AFF1: variants seen among roughly 807,000 people sequenced by gnomAD.
AFF1 encodes AF4/FMR2 family member 1.
AFF1 carries 48 observed loss-of-function variants against 121.7 expected under a neutral mutation model. That is an observed-to-expected ratio of 0.39 (90% CI 0.31 to 0.50). AFF1 has a LOEUF of 0.50. Among genes scored for constraint, AFF1 ranks in the 20% least tolerant of loss-of-function variants. The pLI, the probability that AFF1 is intolerant of heterozygous loss-of-function variation, is 0.76. For synonymous variants in AFF1, 613 were observed against 563.0 expected, an observed-to-expected ratio of 1.09 and a Z score of -1.26; for missense variants, 1,523 against 1,511.7, an observed-to-expected ratio of 1.01 and a Z score of -0.12.
intron 3 of AFF1, 114 bp downstream of exon 3, chr4:87,046,400 T>G: frequency 1.5e-6 from 2 of 1,309,350 alleles, no homozygotes. Context: ...GAAAATAAGA[T>G]AACTTATTCT....
In AFF1 at chr4:87,114,755, C is replaced by T. The variant is rs61734705; in HGVS notation, c.1922C>T (p.Ser641Phe). The change falls in exon 12 of 21, where the codon TCC becomes TTC. Residue 641 changes from serine to phenylalanine, a missense_variant. Coordinates refer to ENST00000395146, the MANE Select transcript of AFF1 (RefSeq NM_001166693.3). ...GAGCCAGGGCTTCTTCCCTATGGCT[C>T]CCGAGACCAGACTTCCAAAGACAAG... is the stretch of plus-strand genomic sequence containing the variant. Reference protein sequence around the residue: ...EREPGLLPYGSRDQTSKDKPK... With the variant: ...EREPGLLPYGFRDQTSKDKPK... 3.3e-3 allele frequency: 5,372 copies of T among 1,613,474 alleles called. 25 individuals carry two copies. The highest frequency in any genetic ancestry group is 0.02 in the Middle Eastern group (119 of 6,060).
intron 5 of AFF1, among the ~76,000 whole-genome samples, chr4:87,087,795 C>A (rs1027607527): frequency 1.6e-4 from 25 of 152,162 alleles, no homozygotes; most frequent in African/African-American, 5.6e-4. Flanking sequence ...TCATAGATAC[C>A]ATTGAGATTC....
chr4:87,060,447 A>G lies in AFF1; in HGVS notation c.1059+12853A>G, dbSNP rs374697351. The stretch of plus-strand genomic sequence containing the variant: ...GATTTGCAATTTTAAATATTTTGCT[A>G]TTGAAGGAATCACTTTTTTGGGAAT... On this transcript the variant is annotated intron_variant, in intron 4 of 20. Coordinates refer to ENST00000395146, the MANE Select transcript of AFF1 (RefSeq NM_001166693.3). Among the ~76,000 whole-genome samples the G allele has an allele frequency of 5.8e-4, 88 of 152,302 alleles. 1 individual carries two copies. In the South Asian group the frequency reaches 0.017, roughly 29 times the overall value.
intron 2 of AFF1, among the ~76,000 whole-genome samples, chr4:87,003,255 A>T (rs770517939): frequency 2.6e-5 from 4 of 151,882 alleles, no homozygotes; most frequent in South Asian, 2.1e-4. Context: ...CTGTATTAAA[A>T]TTTTTTTTCC....
chr4:86,942,345 C>T (rs1005907247), intron 1 of AFF1, among the ~76,000 whole-genome samples: 3 of 152,146 alleles, frequency 2.0e-5, no homozygotes, highest in Non-Finnish European at 4.4e-5. Flanking sequence ...TTTATGGTTA[C>T]ACAGAATCAG....
intron 2 of AFF1, among the ~76,000 whole-genome samples, chr4:86,959,296 T>A (rs1393484805): frequency 6.6e-6 from 1 of 151,090 alleles, no homozygotes; most frequent in Non-Finnish European, 1.5e-5. Context: ...CAAGAGTATA[T>A]CATTTTGTGA....
chr4:87,107,488 C>T (rs938864421), intron 10 of AFF1, among the ~76,000 whole-genome samples: 1 of 152,064 alleles, frequency 6.6e-6, no homozygotes, highest in Admixed American at 6.5e-5. Flanking sequence ...AAGAATGGTC[C>T]GTTTTGTAGT....
intron 2 of AFF1, among the ~76,000 whole-genome samples, chr4:86,974,860 C>T (rs1322269070): frequency 6.6e-6 from 1 of 152,102 alleles, no homozygotes; most frequent in African/African-American, 2.4e-5. Flanking sequence ...AGGTATTTTG[C>T]CATCGTTTCT....
chr4:87,123,438 C>T lies in AFF1; in HGVS notation c.2467-1599C>T, dbSNP rs1282895990. Reference sequence around the variant, plus strand: ...GAGAACTGATAGCCTCCCGAGGGTACGAGCCTTCACTTGGCCTTAATTTAT... The same window carrying T: ...GAGAACTGATAGCCTCCCGAGGGTATGAGCCTTCACTTGGCCTTAATTTAT... On this transcript the variant is annotated intron_variant, in intron 12 of 20. Transcript: ENST00000395146. Among the ~76,000 whole-genome samples the T allele has an allele frequency of 8.5e-5, 13 of 152,276 alleles. No individual in the cohort carries two copies. In the East Asian group the frequency reaches 1.7e-3, roughly 20 times the overall value.
chr4:86,971,774 T>A (rs1453736228), intron 2 of AFF1, among the ~76,000 whole-genome samples: 2 of 152,124 alleles, frequency 1.3e-5, no homozygotes, highest in Non-Finnish European at 2.9e-5. Context: ...GAGGTAGAGA[T>A]GAATTATGAG....
chr4:86,980,947 A>AACCC (rs1723691095), intron 2 of AFF1, among the ~76,000 whole-genome samples: 3 of 102,394 alleles, frequency 2.9e-5, no homozygotes, highest in Non-Finnish European at 4.1e-5. Flanking sequence ...GGCTTGAGGC[A>AACCC]CCCCCCCCCT....
chr4:87,063,439 G>T (rs534808927), intron 4 of AFF1, among the ~76,000 whole-genome samples: 2 of 151,710 alleles, frequency 1.3e-5, no homozygotes, highest in East Asian at 3.9e-4. Flanking sequence ...GGGTTTCTCC[G>T]TGTGGGTGAG....
chr4:86,982,417 T>C (rs7662447), intron 2 of AFF1, among the ~76,000 whole-genome samples: 3 of 79,154 alleles, frequency 3.8e-5, no homozygotes, highest in Non-Finnish European at 7.7e-5. Flanking sequence ...TTTTTTTTTT[T>C]ACAAAGTGCT....
chr4:87,138,254 G>A lies in AFF1; in HGVS notation c.*2553G>A, dbSNP rs953117773. On this transcript the variant is annotated 3_prime_UTR_variant, in exon 21 of 21. Coordinates refer to ENST00000395146, the MANE Select transcript of AFF1 (RefSeq NM_001166693.3). ...ATAGGGTCTTTTTGCTGTTACGGTT[G>A]TATATAGAGGTCTGAAGGATTTTTA... 3.0e-5 allele frequency: 7 copies of A among 232,532 alleles called. No homozygotes were observed. The highest frequency in any genetic ancestry group is 1.5e-4 in the African/African-American group (7 of 45,290). 14.4% of individuals were successfully genotyped at this position (232,532 alleles called of 1,614,324 possible). A position where few individuals can be genotyped will look rare whatever the true frequency, so the allele number is the denominator to read the frequency against.
chr4:87,007,550 T>G, intron 2 of AFF1: 2 of 1,265,062 alleles, frequency 1.6e-6, no homozygotes, highest in Non-Finnish European at 2.3e-6. Flanking sequence ...CTTCTCATCA[T>G]TCCCGAGGCT....
intron 2 of AFF1, among the ~76,000 whole-genome samples, chr4:87,022,612 ATC>A (rs61002726): frequency 0.16 from 16,789 of 106,016 alleles, 1,762 homozygotes; most frequent in Middle Eastern, 0.25. Context: ...GTGTATATAT[ATC>A]TGTGTGTGTA....
intron 2 of AFF1, among the ~76,000 whole-genome samples, chr4:87,012,159 G>C (rs1325830478): frequency 1.3e-5 from 2 of 148,806 alleles, no homozygotes; most frequent in East Asian, 2.0e-4. Context: ...TTTGTTAACT[G>C]TTGCTTTGAG....
intron 2 of AFF1, among the ~76,000 whole-genome samples, chr4:87,003,061 A>C (rs1725846982): frequency 6.6e-6 from 1 of 152,212 alleles, no homozygotes; most frequent in South Asian, 2.1e-4. Flanking sequence ...CACATACAGT[A>C]TCCAAGTCAC....
chr4:87,008,185 G>A (rs1726364633), intron 2 of AFF1, among the ~76,000 whole-genome samples: 2 of 152,192 alleles, frequency 1.3e-5, no homozygotes, highest in South Asian at 2.1e-4. Flanking sequence ...AGACTTAGGA[G>A]TTATATATAC....
Sources: gnomAD v4.1 joint callset for allele counts (sites outside exome capture counted in the v4.1 genomes callset) on GRCh38, gnomAD v4.1.1 for gene constraint, MANE v1.5 for transcripts, NCBI Gene and HGNC (gene_info 2026-07-23, HGNC 2026-07-21) for gene names.